The following FLNB variants were observed in gnomAD, a reference collection of about 807,000 sequenced individuals.
The protein encoded by FLNB is filamin B, also known as filamin-B.
Under a neutral mutation model 250.6 loss-of-function variants are expected in FLNB, and 111 were observed. The ratio of observed to expected loss-of-function variants is 0.44; its 90% CI spans 0.38 to 0.52. The LOEUF (loss-of-function observed/expected upper bound fraction) is 0.52, where lower values mean the gene tolerates loss of function less well. Ranked by LOEUF, FLNB falls within the 20% of genes least tolerant of loss-of-function variation. FLNB has a pLI of 0.00. For synonymous variants in FLNB, 1,302 were observed against 1,372.1 expected, an observed-to-expected ratio of 0.95 and a Z score of 1.13; for missense variants, 2,869 against 3,447.8, an observed-to-expected ratio of 0.83 and a Z score of 4.20.
chr3:58,060,352 C>CTTTT (rs138957329), intron 1 of FLNB, among the ~76,000 whole-genome samples: 10 of 136,096 alleles, frequency 7.3e-5, no homozygotes, highest in African/African-American at 2.7e-4. Context: ...CCCTGTCTCT[C>CTTTT]TTTTTTTTTT....
At chr3:58,061,778 A>C (rs539066664) in intron 1 of FLNB, among the ~76,000 whole-genome samples, 2 of 147,660 alleles carry the variant, frequency 1.4e-5, no homozygotes, top group Admixed American at 1.4e-4. Context: ...TAACATATGT[A>C]GTTTAAATTT....
At chr3:58,116,427 C>T (rs1297896018) in intron 18 of FLNB, among the ~76,000 whole-genome samples, 1 of 152,166 alleles carries the variant, frequency 6.6e-6, no homozygotes, top group Non-Finnish European at 1.5e-5. Flanking sequence ...GGCTGTGCCA[C>T]GTGGGGAGCC....
Position 58,142,195 on chromosome 3 carries a change from A to G in FLNB, c.5181+266A>G, listed in dbSNP as rs1360550862. 6.6e-6 allele frequency among the ~76,000 whole-genome samples: 1 copy of G among 152,234 alleles called. No homozygotes were observed. The highest frequency in any genetic ancestry group is 1.5e-5 in the Non-Finnish European group (1 of 68,036). Reference sequence around the variant, plus strand: ...TGTCTCTGTGTTTAAAGAGAAAGACAGACAGCTGTCTGCAGCCCTCCTGCT... The same window carrying G: ...TGTCTCTGTGTTTAAAGAGAAAGACGGACAGCTGTCTGCAGCCCTCCTGCT... On this transcript the variant is annotated intron_variant, in intron 30 of 45. Coordinates refer to ENST00000295956, the MANE Select transcript of FLNB (RefSeq NM_001457.4). The surrounding 1 kb of genome is among the most constrained non-coding windows in gnomAD (Gnocchi z 4.3).
At chr3:58,132,503 C>T (rs968677536) in intron 25 of FLNB, 3 of 480,494 alleles carry the variant, frequency 6.2e-6, no homozygotes, top group East Asian at 8.9e-5. Flanking sequence ...GTCTTCAACA[C>T]ACATCATCCA....
intron 34 of FLNB, among the ~76,000 whole-genome samples, chr3:58,147,297 T>C (rs1379062151): frequency 6.6e-6 from 1 of 152,244 alleles, no homozygotes; most frequent in Non-Finnish European, 1.5e-5. Flanking sequence ...ACTGCAATAG[T>C]GCATGAAGTG....
intron 4 of FLNB, among the ~76,000 whole-genome samples, chr3:58,093,875 G>T (rs908097620): frequency 6.6e-6 from 1 of 152,248 alleles, no homozygotes; most frequent in African/African-American, 2.4e-5. Flanking sequence ...CTCCTAAAAG[G>T]TTACATAGTT....
chr3:58,168,677 C>G lies in FLNB; in HGVS notation c.7417+19C>G, dbSNP rs561921741. The G allele has an allele frequency of 6.5e-7, 1 of 1,550,196 alleles. No individual in the cohort carries two copies. Among genetic ancestry groups the G allele is most frequent in the Admixed American group, 1.7e-5 (1 of 59,910 alleles). On this transcript the variant is annotated intron_variant, in intron 44 of 45. Transcript: ENST00000295956. ...GTGACAGGTAACGAACAACCACCTT[C>G]GGAGTTACTCTCCCTTCCTGGGGAG...
rs1189306028 is a variant in FLNB, at chr3:58,108,709, G to T, written c.2055+138G>T. 5 of 677,076 alleles carry T rather than the reference G, an allele frequency of 7.4e-6. No individual in the cohort carries two copies. The East Asian group carries it at 1.4e-4, about 18-fold the overall frequency. The allele number at this position is 677,076 out of a possible 1,614,324, so 41.9% of individuals were successfully genotyped here. Reference sequence around the variant, plus strand: ...AATGATAAGAAGATTATCTTATAGGGTTATGTGAGGGTTCAGTGAGACTAC... The same window carrying T: ...AATGATAAGAAGATTATCTTATAGGTTTATGTGAGGGTTCAGTGAGACTAC... On this transcript the variant is annotated intron_variant, in intron 13 of 45. Transcript: ENST00000295956.
chr3:58,146,120 G>A (rs1034122243), intron 33 of FLNB, 71 bp downstream of exon 33: 78 of 1,577,934 alleles, frequency 4.9e-5, no homozygotes, highest in Middle Eastern at 1.7e-4. Context: ...ACGGTTCCAG[G>A]GTGGCTTTTA....
At chr3:58,064,649 A>G (rs1406636988) in intron 1 of FLNB, among the ~76,000 whole-genome samples, 1 of 152,006 alleles carries the variant, frequency 6.6e-6, no homozygotes, top group Non-Finnish European at 1.5e-5. Context: ...ACCTGAGAAT[A>G]GCTCTGTGCC....
chr3:58,020,428 G>T (rs1318245730), intron 1 of FLNB, among the ~76,000 whole-genome samples: 1 of 152,178 alleles, frequency 6.6e-6, no homozygotes, highest in African/African-American at 2.4e-5. Context: ...CTGAACTTGT[G>T]ATCCCCACGG....
At chr3:58,095,981 C>T (rs947618601) in intron 5 of FLNB, among the ~76,000 whole-genome samples, 160 bp from the exon 6 acceptor site, 1 of 152,214 alleles carries the variant, frequency 6.6e-6, no homozygotes, top group Non-Finnish European at 1.5e-5. Flanking sequence ...TCTGTGACTT[C>T]AAGCAGTTTC....
At chr3:58,130,659 G>GA in intron 24 of FLNB, 82 bp from the exon 25 acceptor site, 2 of 1,449,508 alleles carry the variant, frequency 1.4e-6, no homozygotes, top group Non-Finnish European at 1.9e-6. Context: ...GGTCCCGGGG[G>GA]AGCAGCAGTG....
chr3:58,037,771 TG>T (rs770101352), intron 1 of FLNB, among the ~76,000 whole-genome samples: 181 of 152,150 alleles, frequency 1.2e-3, no homozygotes, highest in Non-Finnish European at 1.9e-3. Context: ...ATTTTGTGAA[TG>T]TTTTTTTTCT....
At chr3:58,141,670 G>A (rs910481726) in intron 29 of FLNB, among the ~76,000 whole-genome samples, 188 bp from the exon 30 acceptor site, 7 of 152,292 alleles carry the variant, frequency 4.6e-5, no homozygotes, top group African/African-American at 7.2e-5. Flanking sequence ...CAGGGCATGC[G>A]CATCTGACAG....
Position 58,046,745 on chromosome 3 carries a change from A to G in FLNB, c.293-30301A>G, listed in dbSNP as rs373072842. ...CACTGTGCCTGGCCAATTTTAGAATATTTTTATTGCCTCAGAAGAACCCCT... is the reference window on the plus strand; with the variant it reads ...CACTGTGCCTGGCCAATTTTAGAATGTTTTTATTGCCTCAGAAGAACCCCT... On this transcript the variant is annotated intron_variant, in intron 1 of 45. Transcript: ENST00000295956. Among the ~76,000 whole-genome samples, 7 of 152,168 alleles carry G rather than the reference A, an allele frequency of 4.6e-5. 1 individual carries two copies. The South Asian group carries it at 1.5e-3, about 32-fold the overall frequency.
At chr3:58,050,485 GGGC>G (rs1314074919) in intron 1 of FLNB, among the ~76,000 whole-genome samples, 1 of 152,162 alleles carries the variant, frequency 6.6e-6, no homozygotes, top group African/African-American at 2.4e-5. Flanking sequence ...AGGGGTTCCA[GGGC>G]TGGGTGGGCA....
At chr3:58,127,531 T>C (rs1237270653) in intron 24 of FLNB, among the ~76,000 whole-genome samples, 2 of 152,196 alleles carry the variant, frequency 1.3e-5, no homozygotes, top group Non-Finnish European at 2.9e-5. Flanking sequence ...TATGACACTT[T>C]GGGCTAGATG....
chr3:58,168,395 G>T, intron 43 of FLNB, 45 bp from the exon 44 acceptor site: 1 of 1,475,920 alleles, frequency 6.8e-7, no homozygotes, highest in South Asian at 1.1e-5. Context: ...TCCCAGGAAA[G>T]CCCTCCAAGT....
Sources: allele counts gnomAD v4.1 joint callset (sites outside exome capture counted in the v4.1 genomes callset), GRCh38; gene constraint gnomAD v4.1.1; non-coding constraint Gnocchi (gnomAD v3.1); transcripts MANE v1.5; gene names NCBI Gene and HGNC (gene_info 2026-07-23, HGNC 2026-07-21).